Variants in EPSTI1 observed in about 807,000 individuals in gnomAD.
EPSTI1 encodes the protein epithelial-stromal interaction protein 1.
A neutral mutation model predicts 49.9 loss-of-function variants in EPSTI1; 66 were observed. The ratio of observed to expected loss-of-function variants is 1.32; its 90% CI spans 1.08 to 1.62. The LOEUF is 1.62. Ranked by LOEUF, EPSTI1 falls within the 40% of genes most tolerant of loss-of-function variation. EPSTI1 has a pLI of 0.00. For synonymous variants in EPSTI1, 137 were observed against 130.7 expected (o/e 1.05, Z -0.33); for missense variants, 394 against 365.5 (o/e 1.08, Z -0.64).
chr13:42,963,009 AC>A (rs1487447206), intron 5 of EPSTI1, among the ~76,000 whole-genome samples: 1 of 152,134 alleles, frequency 6.6e-6, no homozygotes, highest in Non-Finnish European at 1.5e-5. Flanking sequence ...TCTTTGTTCT[AC>A]CTGAAATACA....
chr13:42,896,741 G>A (rs1035189972), intron 9 of EPSTI1, among the ~76,000 whole-genome samples: 6 of 152,018 alleles, frequency 3.9e-5, no homozygotes, highest in African/African-American at 1.4e-4. Context: ...CTTATAAAAG[G>A]TTGTGTTATC....
chr13:42,895,513 T>C (rs186650942), intron 9 of EPSTI1, among the ~76,000 whole-genome samples: 285 of 152,338 alleles, frequency 1.9e-3, no homozygotes, highest in African/African-American at 6.5e-3. Flanking sequence ...GGCATTATTG[T>C]TGCAAGATAG....
intron 6 of EPSTI1, among the ~76,000 whole-genome samples, chr13:42,953,141 G>T (rs1180761081): frequency 6.6e-6 from 1 of 151,652 alleles, no homozygotes; most frequent in Non-Finnish European, 1.5e-5. Flanking sequence ...AAGGATCTCT[G>T]TAAGAAGGAT....
In EPSTI1 at chr13:42,926,369, T is replaced by C; in HGVS notation, c.624A>G (p.Gln208=). The C allele has an allele frequency of 6.2e-7, 1 of 1,613,506 alleles. No individual in the cohort carries two copies. Among genetic ancestry groups the C allele is most frequent in the South Asian group, 1.1e-5 (1 of 91,062 alleles). Residue 208 remains glutamine (Q), a synonymous_variant, in exon 7 of 11, where the codon CAA becomes CAG. Coordinates refer to ENST00000313624, the MANE Select transcript of EPSTI1 (RefSeq NM_033255.5). ...AGGATTGTGGGCCACAAACAGCACT[T>C]TGACAGGCACTTCTGTCTGGCGATT... The part of the protein sequence containing the change: ...NTESPDRSAC[Q]SAVCGPQSST...
Position 42,888,372 on chromosome 13 carries a change from G to A in EPSTI1, c.*122C>T, listed in dbSNP as rs1245680351. On this transcript the variant is annotated 3_prime_UTR_variant, in exon 11 of 11. Transcript: ENST00000313624. ...CAGTCACTCCTGACTGCACGGTCAA[G>A]TGTGTGGGCAGTTGAAATTAAGGTA... The A allele has an allele frequency of 7.4e-6, 12 of 1,614,046 alleles. No homozygotes were observed. Among genetic ancestry groups the A allele is most frequent in the Non-Finnish European group, 1.0e-5 (12 of 1,180,016 alleles).
At chr13:42,990,442 T>C (rs2040173328) in intron 1 of EPSTI1, among the ~76,000 whole-genome samples, 1 of 152,226 alleles carries the variant, frequency 6.6e-6, no homozygotes, top group African/African-American at 2.4e-5. Context: ...AAATAAATGG[T>C]TGTATCTAAA....
At chr13:42,898,223 C>G (rs368967885) in intron 9 of EPSTI1, among the ~76,000 whole-genome samples, 1 of 152,204 alleles carries the variant, frequency 6.6e-6, no homozygotes, top group African/African-American at 2.4e-5. Flanking sequence ...GTAGAAAGCA[C>G]GTTGTCCTTT....
At chr13:42,982,704 C>A (rs1284150840) in intron 1 of EPSTI1, among the ~76,000 whole-genome samples, 1 of 152,200 alleles carries the variant, frequency 6.6e-6, no homozygotes, top group African/African-American at 2.4e-5. Context: ...CATGTTATCC[C>A]AAAATATAGC....
At chr13:42,947,909 C>T (rs532250600) in intron 6 of EPSTI1, among the ~76,000 whole-genome samples, 2 of 152,382 alleles carry the variant, frequency 1.3e-5, no homozygotes, top group South Asian at 4.1e-4. Context: ...ACCGTTAAGG[C>T]CTTGGTCCAT....
chr13:42,957,862 C>T (rs2039320874), intron 5 of EPSTI1, among the ~76,000 whole-genome samples: 1 of 152,228 alleles, frequency 6.6e-6, no homozygotes. Context: ...GCATGAGCCA[C>T]CATACCCAGC....
chr13:42,990,517 A>G (rs2040175120), intron 1 of EPSTI1, among the ~76,000 whole-genome samples: 1 of 152,258 alleles, frequency 6.6e-6, no homozygotes, highest in South Asian at 2.1e-4. Flanking sequence ...CATGGACACG[A>G]GACCATATGT....
intron 6 of EPSTI1, among the ~76,000 whole-genome samples, chr13:42,942,313 T>C (rs1204851192): frequency 6.6e-6 from 1 of 152,200 alleles, no homozygotes; most frequent in Non-Finnish European, 1.5e-5. Context: ...TTGTGAATGC[T>C]GACTTATTGG....
chr13:42,926,294 A>G, intron 7 of EPSTI1, 42 bp downstream of exon 7: 4 of 1,149,558 alleles, frequency 3.5e-6, no homozygotes, highest in Non-Finnish European at 5.3e-6. Flanking sequence ...AAATACCTCT[A>G]TAAAATGTGC....
chr13:42,959,554 C>T lies in EPSTI1; in HGVS notation c.489+3701G>A, dbSNP rs1301391777. On this transcript the variant is annotated intron_variant, in intron 5 of 10. Transcript: ENST00000313624. Reference sequence around the variant, plus strand: ...TGATCCCTTAACATGTACCTGTATGCAGCTCTGCATCTAATATGCATAACT... The same window carrying T: ...TGATCCCTTAACATGTACCTGTATGTAGCTCTGCATCTAATATGCATAACT... Among the ~76,000 whole-genome samples, 3 of 152,204 alleles carry T rather than the reference C, an allele frequency of 2.0e-5. No homozygotes were observed. The East Asian group carries it at 5.8e-4, about 29-fold the overall frequency.
At chr13:42,953,724 TG>T (rs2039172737) in intron 6 of EPSTI1, among the ~76,000 whole-genome samples, 1 of 152,234 alleles carries the variant, frequency 6.6e-6, no homozygotes, top group Admixed American at 6.5e-5. Flanking sequence ...TTATTTATAA[TG>T]GGGAATTTCT....
chr13:42,991,904 G>C, intron 1 of EPSTI1, 74 bp downstream of exon 1: 3 of 1,552,548 alleles, frequency 1.9e-6, no homozygotes, highest in Non-Finnish European at 2.7e-6. Context: ...AAACTCCAAG[G>C]ACCAAGGTGC....
chr13:42,932,791 T>G (rs1377395396), intron 6 of EPSTI1, among the ~76,000 whole-genome samples: 1 of 152,184 alleles, frequency 6.6e-6, no homozygotes, highest in Non-Finnish European at 1.5e-5. Context: ...CCTTACCAAA[T>G]GATCCAAGTA....
chr13:42,956,138 A>C (rs2153429363), intron 5 of EPSTI1, among the ~76,000 whole-genome samples: 1 of 152,330 alleles, frequency 6.6e-6, no homozygotes, highest in South Asian at 2.1e-4. Flanking sequence ...AAAAGCACTT[A>C]TATGGATTGT....
At chr13:42,936,541 T>C (rs1437488792) in intron 6 of EPSTI1, among the ~76,000 whole-genome samples, 1 of 152,204 alleles carries the variant, frequency 6.6e-6, no homozygotes, top group Non-Finnish European at 1.5e-5. Flanking sequence ...TACCACACTC[T>C]TAATTTGCCC....
Sources: gnomAD v4.1 joint callset for allele counts (sites outside exome capture counted in the v4.1 genomes callset) on GRCh38, gnomAD v4.1.1 for gene constraint, MANE v1.5 for transcripts, NCBI Gene and HGNC (gene_info 2026-07-23, HGNC 2026-07-21) for gene names.